The following KLK5 variants were observed in gnomAD, a reference collection of about 807,000 sequenced individuals.
KLK5 encodes kallikrein-5.
Under a neutral mutation model 24.0 loss-of-function variants are expected in KLK5, and 18 were observed. The observed-to-expected ratio is 0.75, with a 90% CI of 0.52 to 1.11. The LOEUF (loss-of-function observed/expected upper bound fraction) is 1.11, where lower values mean the gene tolerates loss of function less well. KLK5 is among the 50% of genes most tolerant of loss of function. The pLI is 0.00. For synonymous variants in KLK5, 140 were observed against 154.0 expected, an observed-to-expected ratio of 0.91 and a Z score of 0.67; for missense variants, 374 against 379.2, an observed-to-expected ratio of 0.99 and a Z score of 0.11.
At chr19:50,949,793 T>TCCCCC in intron 3 of KLK5, 62 bp downstream of exon 3, 3 of 91,642 alleles carry the variant, frequency 3.3e-5, no homozygotes, top group Admixed American at 1.9e-4. Context: ...CCACCCCCAC[T>TCCCCC]TCCCCACCCC....
At chr19:50,950,724 T>C (rs1366882489) in intron 2 of KLK5, among the ~76,000 whole-genome samples, 1 of 151,980 alleles carries the variant, frequency 6.6e-6, no homozygotes, top group East Asian at 1.9e-4. Context: ...AAACCCTGTC[T>C]CTACTAAAGA....
At chr19:50,949,758 A>AC in intron 3 of KLK5, 97 bp downstream of exon 3, 1 of 251,330 alleles carries the variant, frequency 4.0e-6, no homozygotes, top group Non-Finnish European at 6.4e-6. Context: ...CCCCGTCCCC[A>AC]CCAGCCCTCA....
intron 5 of KLK5, among the ~76,000 whole-genome samples, chr19:50,946,715 A>G (rs1001758979): frequency 1.6e-4 from 24 of 151,976 alleles, no homozygotes; most frequent in African/African-American, 5.6e-4. Flanking sequence ...GCCTGCCACC[A>G]CGCCCGGCTA....
intron 5 of KLK5, among the ~76,000 whole-genome samples, chr19:50,945,353 C>T (rs1026016313): frequency 5.9e-5 from 9 of 151,332 alleles, no homozygotes; most frequent in East Asian, 1.9e-4. Context: ...ATGAGGTCCA[C>T]GCGGCAGGAA....
intron 5 of KLK5, among the ~76,000 whole-genome samples, chr19:50,945,323 C>T (rs2090622720): frequency 9.6e-6 from 1 of 104,498 alleles, no homozygotes; most frequent in African/African-American, 4.8e-5. Flanking sequence ...TCTTTATTGC[C>T]TGTCTTCCAC....
chr19:50,952,891 G>A lies in KLK5; in HGVS notation c.-156C>T, dbSNP rs758029744. 4 of 392,138 alleles carry A rather than the reference G, an allele frequency of 1.0e-5. No homozygotes were observed. The highest frequency in any genetic ancestry group is 4.2e-5 in the African/African-American group (2 of 47,198). The allele number at this position is 392,138 out of a possible 1,614,324, so 24.3% of individuals were successfully genotyped here. A position where few individuals can be genotyped will look rare whatever the true frequency, so the allele number is the denominator to read the frequency against. ...GGGACAGAGAAAGATGTGGGTGCAG[G>A]ACGCACAGACACCTCTCCTTCCCTG... On this transcript the variant is annotated 5_prime_UTR_variant, in exon 1 of 6. Transcript: ENST00000336334.
intron 2 of KLK5, among the ~76,000 whole-genome samples, chr19:50,951,334 GC>G (rs1399091030): frequency 6.6e-6 from 1 of 151,426 alleles, no homozygotes; most frequent in Non-Finnish European, 1.5e-5. Context: ...GTGCAATGGC[GC>G]GATCTCGGCT....
chr19:50,946,272 C>A (rs1260272676), intron 5 of KLK5, among the ~76,000 whole-genome samples: 1 of 152,140 alleles, frequency 6.6e-6, no homozygotes, highest in African/African-American at 2.4e-5. Flanking sequence ...AAAATAGGGC[C>A]AATAATAACA....
chr19:50,952,187 C>T (rs1158189069), intron 2 of KLK5, among the ~76,000 whole-genome samples: 2 of 49,106 alleles, frequency 4.1e-5, no homozygotes, highest in Admixed American at 4.5e-4. Context: ...ACAGGAACTG[C>T]AGATACCTGC....
chr19:50,949,259 A>G (rs1469160261), intron 3 of KLK5, 144 bp from the exon 4 acceptor site: 2 of 704,018 alleles, frequency 2.8e-6, no homozygotes, highest in East Asian at 2.8e-5. Context: ...TTGGTCTCCA[A>G]TCCCATGCCT....
chr19:50,948,785 G>C lies in KLK5; in HGVS notation c.593-12C>G. ...CTTAGGGAAGTGCACTGTCAAACAG[G>C]AACACAATGAGAAGTGGAGAAAGAT... On this transcript the variant is annotated splice_polypyrimidine_tract_variant and intron_variant, in intron 4 of 5. Coordinates refer to ENST00000336334, the MANE Select transcript of KLK5 (RefSeq NM_012427.5). The C allele has an allele frequency of 6.2e-7, 1 of 1,614,102 alleles. No homozygotes were observed. The highest frequency in any genetic ancestry group is 8.5e-7 in the Non-Finnish European group (1 of 1,180,018).
intron 5 of KLK5, 93 bp downstream of exon 5, chr19:50,948,545 CTT>C: frequency 7.8e-7 from 1 of 1,287,554 alleles, no homozygotes; most frequent in South Asian, 1.3e-5. Context: ...TCCTGACTGT[CTT>C]GGCAATTGCT....
chr19:50,948,513 A>C, intron 5 of KLK5, 127 bp downstream of exon 5: 2 of 859,582 alleles, frequency 2.3e-6, no homozygotes, highest in Non-Finnish European at 1.9e-6. Flanking sequence ...ACTCTAGGGT[A>C]TGAGCTCTGT....
At chr19:50,948,149 G>C (rs1188115742) in intron 5 of KLK5, among the ~76,000 whole-genome samples, 1 of 150,608 alleles carries the variant, frequency 6.6e-6, no homozygotes, top group African/African-American at 2.5e-5. Flanking sequence ...TGAGACAAAA[G>C]TGTCACTCTG....
rs1198596790 is a variant in KLK5, at chr19:50,943,802, G to C, written c.727-16C>G. 4.4e-6 allele frequency: 7 copies of C among 1,603,170 alleles called. No homozygotes were observed. In the South Asian group the frequency reaches 6.6e-5, roughly 15 times the overall value. ...CAGAATCACCCTGCAGGAGAGAAAGGGGGGCATGAGAGAGGCAGAGATGTG... is the reference window on the plus strand; with the variant it reads ...CAGAATCACCCTGCAGGAGAGAAAGCGGGGCATGAGAGAGGCAGAGATGTG... On this transcript the variant is annotated splice_polypyrimidine_tract_variant and intron_variant, in intron 5 of 5. Transcript: ENST00000336334.
At position 50,947,202 on chromosome 19, in the gene KLK5, G is replaced by A. The variant is rs1443571548; in HGVS notation, c.726+1438C>T. Reference sequence around the variant, plus strand: ...TTCCATTAGAACATAGGGAAGCTCTGTGTTGGTGACCAAGAAATACTTGCA... The same window carrying A: ...TTCCATTAGAACATAGGGAAGCTCTATGTTGGTGACCAAGAAATACTTGCA... On this transcript the variant is annotated intron_variant, in intron 5 of 5. Coordinates refer to ENST00000336334, the MANE Select transcript of KLK5 (RefSeq NM_012427.5). The surrounding 1 kb of genome is among the most constrained non-coding windows in gnomAD (Gnocchi z 8.7). Among the ~76,000 whole-genome samples the A allele has an allele frequency of 2.0e-5, 3 of 152,218 alleles. No individual in the cohort carries two copies. Among genetic ancestry groups the A allele is most frequent in the African/African-American group, 4.8e-5 (2 of 41,456 alleles).
intron 5 of KLK5, among the ~76,000 whole-genome samples, chr19:50,944,488 C>T (rs562704547): frequency 1.3e-5 from 2 of 152,156 alleles, no homozygotes; most frequent in South Asian, 4.2e-4. Context: ...CTCCCTTTCT[C>T]TCTCACTCTC....
At position 50,943,391 on chromosome 19, in the gene KLK5, A is replaced by T; in HGVS notation, c.*240T>A. The stretch of plus-strand genomic sequence containing the variant: ...CTGAGCTTGAGGATGAAAGTGCCCC[A>T]GGGAGATTGAGACGCAACCCCCGCC... On this transcript the variant is annotated 3_prime_UTR_variant, in exon 6 of 6. Transcript: ENST00000336334. The T allele has an allele frequency of 2.3e-6, 1 of 433,932 alleles. No homozygotes were observed. 26.9% of individuals were successfully genotyped at this position (433,932 alleles called of 1,614,324 possible).
chr19:50,945,761 A>G (rs1363203591), intron 5 of KLK5, among the ~76,000 whole-genome samples: 1 of 139,754 alleles, frequency 7.2e-6, no homozygotes, highest in Non-Finnish European at 1.6e-5. Context: ...ATTGCACTCC[A>G]GCCTGGGTGA....
Sources: allele counts gnomAD v4.1 joint callset (sites outside exome capture counted in the v4.1 genomes callset), GRCh38; gene constraint gnomAD v4.1.1; non-coding constraint Gnocchi (gnomAD v3.1); transcripts MANE v1.5; gene names NCBI Gene and HGNC (gene_info 2026-07-23, HGNC 2026-07-21).